ADGRE3: variants seen among roughly 807,000 people sequenced by gnomAD.
ADGRE3 encodes adhesion G protein-coupled receptor E3, also known as EGF-like module receptor 3.
ADGRE3 carries 88 observed loss-of-function variants against 80.1 expected under a neutral mutation model. That is an observed-to-expected ratio of 1.10 (90% CI 0.93 to 1.31). The LOEUF (loss-of-function observed/expected upper bound fraction) is 1.31, where lower values mean the gene tolerates loss of function less well. Ranked by LOEUF, ADGRE3 falls within the 40% of genes most tolerant of loss-of-function variation. ADGRE3 has a pLI of 0.00. For synonymous variants in ADGRE3, 281 were observed against 294.8 expected (o/e 0.95, Z 0.48); for missense variants, 715 against 776.5 (o/e 0.92, Z 0.94).
At chr19:14,635,942 G>T (rs1971025048) in intron 11 of ADGRE3, among the ~76,000 whole-genome samples, 1 of 151,454 alleles carries the variant, frequency 6.6e-6, no homozygotes, top group African/African-American at 2.4e-5. Context: ...TCATCCTGGA[G>T]ACTTTCTTTT....
intron 5 of ADGRE3, 115 bp from the exon 6 acceptor site, chr19:14,655,280 C>G: frequency 1.2e-6 from 1 of 823,498 alleles, no homozygotes; most frequent in Non-Finnish European, 1.9e-6. Flanking sequence ...GAACCACGTT[C>G]AAATCCTGGC....
chr19:14,613,017 C>T, the ADGRE3 span, among the ~76,000 whole-genome samples: 10 of 151,290 alleles, frequency 6.6e-5, no homozygotes. Flanking sequence ...CCTCTGCTTT[C>T]CAGGTTTAAC....
At chr19:14,633,717 ATAAAAT>A (rs1970952895) in intron 11 of ADGRE3, among the ~76,000 whole-genome samples, 5 of 112,226 alleles carry the variant, frequency 4.5e-5, no homozygotes, top group African/African-American at 2.0e-4. Flanking sequence ...AAAAAATAAA[ATAAAAT>A]AAAATAAAAT....
intron 11 of ADGRE3, among the ~76,000 whole-genome samples, chr19:14,635,797 A>G (rs1971020787): frequency 1.3e-5 from 2 of 151,950 alleles, no homozygotes; most frequent in African/African-American, 4.8e-5. Context: ...TTGTGCATAC[A>G]CTCTGCTCTC....
chr19:14,648,107 A>AAAAG (rs1971465972), intron 7 of ADGRE3, among the ~76,000 whole-genome samples: 1 of 147,234 alleles, frequency 6.8e-6, no homozygotes. Context: ...AAAAAAAAAG[A>AAAAG]TGTTTTCCTA....
At chr19:14,659,449 A>C (rs1971875375) in intron 4 of ADGRE3, among the ~76,000 whole-genome samples, 1 of 152,158 alleles carries the variant, frequency 6.6e-6, no homozygotes, top group Non-Finnish European at 1.5e-5. Context: ...TGGGAATGAT[A>C]ACCGAAACAG....
chr19:14,625,093 T>C (rs1052122856), intron 15 of ADGRE3, among the ~76,000 whole-genome samples: 2 of 152,094 alleles, frequency 1.3e-5, no homozygotes, highest in African/African-American at 4.8e-5. Flanking sequence ...GATTTTCCTG[T>C]CTCAGCCTCC....
chr19:14,626,115 A>T (rs1008203253), intron 14 of ADGRE3, among the ~76,000 whole-genome samples: 1 of 111,358 alleles, frequency 9.0e-6, no homozygotes, highest in African/African-American at 3.3e-5. Context: ...CACAGTAAAC[A>T]TTTTCATTAC....
At chr19:14,615,961 CCTTA>C (rs1248476183), downstream of ADGRE3, among the ~76,000 whole-genome samples, 1 of 146,078 alleles carries the variant, frequency 6.8e-6, no homozygotes, top group Non-Finnish European at 1.5e-5. Context: ...TCTTTCTCTG[CCTTA>C]CTTTTTTTTT....
chr19:14,644,258 T>A lies in ADGRE3; in HGVS notation c.900A>T (p.Lys300Asn). The A allele has an allele frequency of 6.4e-7, 1 of 1,558,962 alleles. No individual in the cohort carries two copies. The highest frequency in any genetic ancestry group is 1.2e-5 in the South Asian group (1 of 84,170). ...FQHVKMTPST[K>N]KVFCVYWKST... ...TCTTCCAGTAGACACAGAAGACCTTTTTGGTACTGGGGGTCATCTGAAAAT... is the reference window on the plus strand; with the variant it reads ...TCTTCCAGTAGACACAGAAGACCTTATTGGTACTGGGGGTCATCTGAAAAT... The change falls in exon 9 of 16, where the codon AAA becomes AAT. Residue 300 changes from lysine to asparagine, a missense_variant. Coordinates refer to ENST00000253673, the MANE Select transcript of ADGRE3 (RefSeq NM_032571.5).
chr19:14,620,534 AT>A (rs1361618188), intron 15 of ADGRE3, among the ~76,000 whole-genome samples: 10 of 17,884 alleles, frequency 5.6e-4, no homozygotes, highest in African/African-American at 2.0e-3. Context: ...GAATATATAT[AT>A]TTTATATATA....
At chr19:14,665,945 T>TGCATACAC (rs1555763976) in intron 2 of ADGRE3, among the ~76,000 whole-genome samples, 4 of 26,926 alleles carry the variant, frequency 1.5e-4, no homozygotes, top group African/African-American at 3.2e-4. Flanking sequence ...TGTATATATA[T>TGCATACAC]ATATATATAT....
At chr19:14,661,314 C>A (rs1480172404) in intron 4 of ADGRE3, among the ~76,000 whole-genome samples, 1 of 152,180 alleles carries the variant, frequency 6.6e-6, no homozygotes, top group Non-Finnish European at 1.5e-5. Context: ...AAGGAAGGAG[C>A]AGATCCAAAG....
intron 10 of ADGRE3, 60 bp downstream of exon 10, chr19:14,641,358 TG>T (rs1971241291): frequency 1.9e-6 from 3 of 1,597,596 alleles, no homozygotes; most frequent in Non-Finnish European, 2.6e-6. Flanking sequence ...AGTGCAGCAT[TG>T]CTCCATGAGC....
At chr19:14,604,487 G>A in the ADGRE3 span, among the ~76,000 whole-genome samples, 6 of 152,056 alleles carry the variant, frequency 3.9e-5, no homozygotes, top group African/African-American at 1.4e-4. Context: ...AAAGTCGGCC[G>A]GCTGCAGTGG....
At chr19:14,617,589 G>A (rs2075090172), downstream of ADGRE3, among the ~76,000 whole-genome samples, 1 of 151,054 alleles carries the variant, frequency 6.6e-6, no homozygotes, top group South Asian at 2.1e-4. Flanking sequence ...GTAGAGATGG[G>A]GTTTCACCAC....
chr19:14,674,792 C>T lies in ADGRE3; in HGVS notation c.-22G>A, dbSNP rs370548709. 8.1e-6 allele frequency: 13 copies of T among 1,613,258 alleles called. No homozygotes were observed. Among genetic ancestry groups the T allele is most frequent in the South Asian group, 3.3e-5 (3 of 90,978 alleles). ...GCATTTCTGTGGTACGGGTATCCCA[C>T]GCCAGCCAGCCCTGGAAGCTCTCTA... On this transcript the variant is annotated 5_prime_UTR_variant, in exon 1 of 16. It adds an upstream start codon to the 5' untranslated region. Coordinates refer to ENST00000253673, the MANE Select transcript of ADGRE3 (RefSeq NM_032571.5).
Position 14,633,300 on chromosome 19 carries a change from C to T in ADGRE3, c.1487G>A (p.Cys496Tyr), listed in dbSNP as rs1475900539. Reference protein sequence around the residue: ...WPHLYGTADRCWLHLDQGFMW... With the variant: ...WPHLYGTADRYWLHLDQGFMW... Reference sequence around the variant, plus strand: ...GAATCCCTGGTCCAGGTGGAGCCAGCATCTAGGAACAGTGGGAAAAGAGAT... The same window carrying T: ...GAATCCCTGGTCCAGGTGGAGCCAGTATCTAGGAACAGTGGGAAAAGAGAT... Residue 496 changes from cysteine (C) to tyrosine (Y), a missense_variant and splice_region_variant, in exon 12 of 16, where the codon TGC becomes TAC. Cys to Tyr is a radical substitution (Grantham distance 194). Transcript: ENST00000253673. The T allele has an allele frequency of 9.3e-6, 15 of 1,610,262 alleles. No homozygotes were observed. The Admixed American group carries it at 2.5e-4, about 27-fold the overall frequency.
intron 1 of ADGRE3, among the ~76,000 whole-genome samples, chr19:14,673,861 T>C (rs1299439671): frequency 6.6e-6 from 1 of 152,182 alleles, no homozygotes; most frequent in African/African-American, 2.4e-5. Flanking sequence ...TTAGGTAACT[T>C]CTTATTTTCC....
Sources: gnomAD v4.1 joint callset for allele counts (sites outside exome capture counted in the v4.1 genomes callset) on GRCh38, gnomAD v4.1.1 for gene constraint, MANE v1.5 for transcripts, NCBI Gene and HGNC (gene_info 2026-07-23, HGNC 2026-07-21) for gene names.